The following CNTN6 variants were observed in gnomAD, a reference collection of about 807,000 sequenced individuals.
CNTN6 encodes contactin-6.
Under a neutral mutation model 122.8 loss-of-function variants are expected in CNTN6, and 137 were observed. The observed-to-expected ratio is 1.12, with a 90% CI of 0.97 to 1.29. The LOEUF (loss-of-function observed/expected upper bound fraction) is 1.29, where lower values mean the gene tolerates loss of function less well. Ranked by LOEUF, CNTN6 falls within the 50% of genes most tolerant of loss-of-function variation. The pLI is 0.00. For missense variants in CNTN6, 1,634 were observed against 1,223.4 expected (o/e 1.34, Z -5.01); for synonymous variants, 570 against 426.0 (o/e 1.34, Z -4.16).
rs535220078 is a variant in CNTN6 at position 1,170,132 on chromosome 3, G to A, written c.55+22069G>A. On this transcript the variant is annotated intron_variant, in intron 2 of 22. Transcript: ENST00000446702. ...CAAGCCTGTAGCCCCAGCTACCTAGGAGGCTGAGACAAGAGAATTGCTTGA... is the reference window on the plus strand; with the variant it reads ...CAAGCCTGTAGCCCCAGCTACCTAGAAGGCTGAGACAAGAGAATTGCTTGA... 4.0e-5 allele frequency among the ~76,000 whole-genome samples: 6 copies of A among 149,348 alleles called. No homozygotes were observed. In the East Asian group the frequency reaches 1.2e-3, roughly 30 times the overall value.
chr3:1,156,293 C>T (rs1235106590), intron 2 of CNTN6, among the ~76,000 whole-genome samples: 1 of 152,206 alleles, frequency 6.6e-6, no homozygotes, highest in Non-Finnish European at 1.5e-5. Context: ...ACATATTCTT[C>T]CATTTTCTCC....
intron 20 of CNTN6, among the ~76,000 whole-genome samples, chr3:1,396,607 A>G (rs924649504): frequency 3.3e-5 from 5 of 152,240 alleles, no homozygotes; most frequent in African/African-American, 1.2e-4. Flanking sequence ...AGAGGCTGTC[A>G]TACATCAAGG....
At chr3:1,396,633 CAT>C (rs968397952) in intron 20 of CNTN6, among the ~76,000 whole-genome samples, 2 of 152,328 alleles carry the variant, frequency 1.3e-5, no homozygotes, top group East Asian at 1.9e-4. Flanking sequence ...TGCCTGGTAA[CAT>C]GTGTTATTAT....
intron 5 of CNTN6, among the ~76,000 whole-genome samples, chr3:1,294,057 C>T (rs150024378): frequency 0.014 from 2,080 of 152,208 alleles, 60 homozygotes; most frequent in African/African-American, 0.047. Flanking sequence ...TTTGTCATTT[C>T]TTATAAAGTT....
chr3:1,369,336 T>C (rs1036544544), intron 12 of CNTN6, among the ~76,000 whole-genome samples: 1 of 151,860 alleles, frequency 6.6e-6, no homozygotes, highest in Non-Finnish European at 1.5e-5. Context: ...TTGTAGACGT[T>C]CATCTCTGTG....
chr3:1,194,310 C>A (rs1404415300), intron 2 of CNTN6, among the ~76,000 whole-genome samples: 5 of 152,098 alleles, frequency 3.3e-5, no homozygotes, highest in Non-Finnish European at 7.4e-5. Flanking sequence ...AGTACCTGTA[C>A]AGGGCATCAT....
intron 12 of CNTN6, among the ~76,000 whole-genome samples, chr3:1,362,562 G>A (rs1246469049): frequency 6.6e-6 from 1 of 151,980 alleles, no homozygotes; most frequent in African/African-American, 2.4e-5. Flanking sequence ...ACAGAAAGAG[G>A]ATTAGTAAAG....
chr3:1,114,389 C>T (rs1415614245), intron 1 of CNTN6, among the ~76,000 whole-genome samples: 1 of 152,108 alleles, frequency 6.6e-6, no homozygotes, highest in African/African-American at 2.4e-5. Flanking sequence ...CTGTGTGTGG[C>T]AGAAAAGTAA....
intron 2 of CNTN6, among the ~76,000 whole-genome samples, chr3:1,181,029 A>T (rs2314151): frequency 6.6e-6 from 1 of 151,834 alleles, no homozygotes; most frequent in South Asian, 2.1e-4. Context: ...ATGACTGCTT[A>T]CACTGTTGTA....
chr3:1,275,263 T>C (rs543877951), intron 4 of CNTN6, among the ~76,000 whole-genome samples: 2 of 152,180 alleles, frequency 1.3e-5, no homozygotes, highest in Non-Finnish European at 2.9e-5. Context: ...CATCTCTTAC[T>C]CATAGCCAAC....
At chr3:1,189,721 C>T (rs906604377) in intron 2 of CNTN6, among the ~76,000 whole-genome samples, 2 of 152,102 alleles carry the variant, frequency 1.3e-5, no homozygotes, top group Admixed American at 6.5e-5. Flanking sequence ...TTTGAGGCCA[C>T]ATCTGAACCC....
chr3:1,099,340 A>T (rs570273893), intron 1 of CNTN6, among the ~76,000 whole-genome samples: 6 of 151,838 alleles, frequency 4.0e-5, no homozygotes, highest in East Asian at 1.9e-4. Flanking sequence ...AGTCCCAGCT[A>T]CTGGGGAGGC....
chr3:1,355,496 G>GA (rs772345489), intron 12 of CNTN6, among the ~76,000 whole-genome samples: 19 of 151,578 alleles, frequency 1.3e-4, no homozygotes, highest in Non-Finnish European at 2.2e-4. Context: ...CCTAGCATAG[G>GA]AAAAAATTAT....
chr3:1,327,439 T>A lies in CNTN6; in HGVS notation c.1084-18T>A. The A allele has an allele frequency of 1.2e-6, 2 of 1,607,476 alleles. No individual in the cohort carries two copies. The highest frequency in any genetic ancestry group is 1.7e-6 in the Non-Finnish European group (2 of 1,175,946). On this transcript the variant is annotated intron_variant, in intron 9 of 22. Transcript: ENST00000446702. ...ATATTAACGTACAAGCATCTTTATA[T>A]GCCTTTTCCTTTATTAGGAGAGAAT...
At chr3:1,278,842 C>T (rs559315525) in intron 5 of CNTN6, among the ~76,000 whole-genome samples, 1 of 152,108 alleles carries the variant, frequency 6.6e-6, no homozygotes, top group African/African-American at 2.4e-5. Context: ...TTATTTACCC[C>T]ACTTTGAGGC....
At chr3:1,115,162 A>T (rs2091661769) in intron 1 of CNTN6, among the ~76,000 whole-genome samples, 1 of 152,180 alleles carries the variant, frequency 6.6e-6, no homozygotes, top group Admixed American at 6.5e-5. Context: ...TAAATGTAAC[A>T]TATGCACATA....
intron 14 of CNTN6, 85 bp from the exon 15 acceptor site, chr3:1,373,519 C>G: frequency 7.6e-7 from 1 of 1,312,426 alleles, no homozygotes; most frequent in African/African-American, 1.5e-5. Context: ...TTCCTAAGCA[C>G]AACAGGTAAA....
chr3:1,243,914 G>A (rs2064710746), intron 4 of CNTN6, among the ~76,000 whole-genome samples: 1 of 152,096 alleles, frequency 6.6e-6, no homozygotes, highest in African/African-American at 2.4e-5. Flanking sequence ...TTGGGACCAA[G>A]GGGACAGGCG....
intron 4 of CNTN6, among the ~76,000 whole-genome samples, chr3:1,268,357 C>T (rs5025268): frequency 0.44 from 66,922 of 151,550 alleles, 15,607 homozygotes; most frequent in East Asian, 0.82. Context: ...CTTGTAATCC[C>T]AGCACTTTGG....
Sources: allele counts gnomAD v4.1 joint callset (sites outside exome capture counted in the v4.1 genomes callset), GRCh38; gene constraint gnomAD v4.1.1; transcripts MANE v1.5; gene names NCBI Gene and HGNC (gene_info 2026-07-23, HGNC 2026-07-21).